CHST9: variants seen among roughly 807,000 people sequenced by gnomAD.
The protein encoded by CHST9 is carbohydrate sulfotransferase 9, also known as GalNAc-4-sulfotransferase 2.
Under a neutral mutation model 44.4 loss-of-function variants are expected in CHST9, and 41 were observed. The observed-to-expected ratio is 0.92, with a 90% CI of 0.72 to 1.20. The LOEUF (loss-of-function observed/expected upper bound fraction) is 1.20. CHST9 is among the 50% of genes most tolerant of loss of function. The pLI is 0.00. For missense variants in CHST9, 504 were observed against 516.5 expected (o/e 0.98, Z 0.23); for synonymous variants, 171 against 178.4 (o/e 0.96, Z 0.33).
intron 3 of CHST9, among the ~76,000 whole-genome samples, chr18:27,032,240 C>T (rs1338160027): frequency 1.3e-5 from 2 of 152,040 alleles, no homozygotes; most frequent in African/African-American, 2.4e-5. Flanking sequence ...AGAAACACCC[C>T]GTATGTGAAG....
intron 5 of CHST9, chr18:26,925,947 A>T (rs1474717970): frequency 1.3e-5 from 2 of 152,148 alleles, no homozygotes; most frequent in African/African-American, 4.8e-5. Context: ...TTAAATGTTC[A>T]ATGGCAATAA....
At chr18:27,019,361 T>C (rs947038947) in intron 4 of CHST9, among the ~76,000 whole-genome samples, 1 of 152,168 alleles carries the variant, frequency 6.6e-6, no homozygotes, top group African/African-American at 2.4e-5. Flanking sequence ...AAAGGTATTA[T>C]CCTTGAATAT....
chr18:27,048,453 A>G lies in CHST9; in HGVS notation c.160+12T>C, dbSNP rs1251587431. The G allele has an allele frequency of 1.2e-6, 2 of 1,602,636 alleles. No homozygotes were observed. The highest frequency in any genetic ancestry group is 1.7e-6 in the Non-Finnish European group (2 of 1,174,484). On this transcript the variant is annotated intron_variant, in intron 3 of 5. Coordinates refer to ENST00000618847, the MANE Select transcript of CHST9 (RefSeq NM_031422.6). ...AGGAAATAAAGCTGGAGCCCATTGG[A>G]CAAAATCTTACCTGAAGTTACTTTT...
intron 4 of CHST9, 65 bp from the exon 5 acceptor site, chr18:26,944,431 T>C: frequency 8.7e-7 from 1 of 1,154,238 alleles, no homozygotes; most frequent in Non-Finnish European, 1.3e-6. Context: ...GCGGTACTGA[T>C]GCTGCTCTGT....
intron 2 of CHST9, among the ~76,000 whole-genome samples, chr18:27,090,884 C>T (rs1405262503): frequency 1.3e-5 from 2 of 152,164 alleles, no homozygotes; most frequent in Non-Finnish European, 2.9e-5. Context: ...TAGCGTGATG[C>T]CTCCAGCTTT....
At chr18:26,918,862 G>T (rs187149777) in intron 5 of CHST9, among the ~76,000 whole-genome samples, 387 of 152,012 alleles carry the variant, frequency 2.5e-3, no homozygotes, top group South Asian at 6.7e-3. Flanking sequence ...GTATAGCCCC[G>T]TGTATTAGTC....
At chr18:26,929,942 C>T (rs2055846479) in intron 5 of CHST9, among the ~76,000 whole-genome samples, 1 of 152,164 alleles carries the variant, frequency 6.6e-6, no homozygotes, top group African/African-American at 2.4e-5. Context: ...AGTCCAAAGC[C>T]ACCTGAGTCC....
chr18:26,939,710 C>G (rs557777637), intron 5 of CHST9, among the ~76,000 whole-genome samples: 22 of 152,308 alleles, frequency 1.4e-4, no homozygotes, highest in African/African-American at 5.1e-4. Flanking sequence ...CACTAGAGGC[C>G]TGATTCATTG....
At chr18:27,104,745 G>A (rs1257463692) in intron 2 of CHST9, among the ~76,000 whole-genome samples, 2 of 152,072 alleles carry the variant, frequency 1.3e-5, no homozygotes, top group Non-Finnish European at 2.9e-5. Context: ...ATGAAGCCAG[G>A]GTGCAGTGTA....
At chr18:27,173,007 G>A (rs1229540377) in intron 1 of CHST9, among the ~76,000 whole-genome samples, 1 of 151,912 alleles carries the variant, frequency 6.6e-6, no homozygotes, top group Non-Finnish European at 1.5e-5. Context: ...ACAGGGACCT[G>A]ATTAGAAATA....
chr18:27,143,482 T>C (rs529419829), intron 1 of CHST9, among the ~76,000 whole-genome samples: 38 of 152,280 alleles, frequency 2.5e-4, no homozygotes, highest in African/African-American at 8.9e-4. Flanking sequence ...TACTGAAATC[T>C]ACCTCAGATT....
At chr18:27,127,571 G>A (rs1183694773) in intron 2 of CHST9, among the ~76,000 whole-genome samples, 1 of 152,164 alleles carries the variant, frequency 6.6e-6, no homozygotes, top group Non-Finnish European at 1.5e-5. Context: ...ATTCAAAGAA[G>A]TTAAAGAGGA....
At chr18:26,974,804 G>A (rs1172636989) in intron 4 of CHST9, among the ~76,000 whole-genome samples, 1 of 152,000 alleles carries the variant, frequency 6.6e-6, no homozygotes, top group African/African-American at 2.4e-5. Flanking sequence ...CTCCCGAGGA[G>A]CTGGGATTAC....
At chr18:27,068,245 T>C (rs989481702) in intron 2 of CHST9, among the ~76,000 whole-genome samples, 20 of 152,158 alleles carry the variant, frequency 1.3e-4, no homozygotes, top group African/African-American at 4.8e-4. Context: ...ATTTTAAAAT[T>C]TTATTTGGTT....
intron 2 of CHST9, among the ~76,000 whole-genome samples, chr18:27,100,989 G>A (rs2058165753): frequency 6.6e-6 from 1 of 152,130 alleles, no homozygotes; most frequent in Admixed American, 6.5e-5. Context: ...TGTCTGTGAA[G>A]TACACTGCTT....
intron 5 of CHST9, among the ~76,000 whole-genome samples, chr18:26,921,420 A>T (rs12966897): frequency 0.14 from 21,590 of 152,066 alleles, 1,755 homozygotes; most frequent in East Asian, 0.22. Flanking sequence ...GAGATATGGG[A>T]AAAGGGTTAA....
intron 4 of CHST9, among the ~76,000 whole-genome samples, chr18:26,992,487 G>C (rs1454501143): frequency 6.6e-6 from 1 of 152,160 alleles, no homozygotes; most frequent in Non-Finnish European, 1.5e-5. Context: ...GTTTTACTTA[G>C]TTGGTTGGTT....
At chr18:27,090,703 A>T (rs2058059729) in intron 2 of CHST9, among the ~76,000 whole-genome samples, 1 of 152,174 alleles carries the variant, frequency 6.6e-6, no homozygotes, top group Non-Finnish European at 1.5e-5. Context: ...TAAATAGGGA[A>T]TCCTTTCCCC....
intron 3 of CHST9, among the ~76,000 whole-genome samples, chr18:27,027,468 G>A (rs1598651015): frequency 1.3e-5 from 2 of 152,162 alleles, no homozygotes; most frequent in East Asian, 3.8e-4. Flanking sequence ...GGGTTTAAAA[G>A]TTTATCCCAA....
Sources: gnomAD v4.1 joint callset for allele counts (sites outside exome capture counted in the v4.1 genomes callset) on GRCh38, gnomAD v4.1.1 for gene constraint, MANE v1.5 for transcripts, NCBI Gene and HGNC (gene_info 2026-07-23, HGNC 2026-07-21) for gene names.